The following PRDX4 variants were observed in gnomAD, a reference collection of about 807,000 sequenced individuals.
PRDX4 encodes the protein peroxiredoxin-4.
PRDX4 carries 12 observed loss-of-function variants against 20.5 expected under a neutral mutation model. The ratio of observed to expected loss-of-function variants is 0.58; its 90% confidence interval spans 0.37 to 0.95. PRDX4 has a LOEUF of 0.95. Among genes scored for constraint, PRDX4 ranks in the 40% least tolerant of loss-of-function variants. PRDX4 has a pLI of 0.01. For missense variants in PRDX4, 180 were observed against 207.3 expected, an observed-to-expected ratio of 0.87 and a Z score of 0.81; for synonymous variants, 99 against 87.5, an observed-to-expected ratio of 1.13 and a Z score of -0.73.
At chrX:23,682,022 C>G (rs1298104388) in intron 4 of PRDX4, among the ~76,000 whole-genome samples, 3 of 112,363 alleles carry the variant, frequency 2.7e-5, no homozygotes, top group Admixed American at 1.9e-4. Flanking sequence ...GCCTGGGCAA[C>G]AGAGTGAGAT....
intron 6 of PRDX4, among the ~76,000 whole-genome samples, chrX:23,684,259 TC>T (rs1366154635): frequency 9.2e-6 from 1 of 108,375 alleles, no homozygotes; most frequent in Non-Finnish European, 1.9e-5. Context: ...AATACACCGT[TC>T]GAAAAAAAAA....
At chrX:23,675,640 GT>G (rs1477997874) in intron 3 of PRDX4, among the ~76,000 whole-genome samples, 3 of 112,095 alleles carry the variant, frequency 2.7e-5, no homozygotes, top group Admixed American at 9.5e-5. Context: ...TCCCTGTCTG[GT>G]TGGCCAAGAT....
intron 1 of PRDX4, 61 bp from the exon 2 acceptor site, chrX:23,671,468 C>A: frequency 1.1e-6 from 1 of 896,489 alleles, no homozygotes; most frequent in Non-Finnish European, 1.6e-6. Context: ...CTAAAGATGT[C>A]CTTCTACCAT....
At chrX:23,672,405 G>C (rs1322154534) in intron 2 of PRDX4, among the ~76,000 whole-genome samples, 1 of 112,142 alleles carries the variant, frequency 8.9e-6, no homozygotes, top group Non-Finnish European at 1.9e-5. Context: ...AAGGAATAAG[G>C]AATAACACCT....
At chrX:23,673,396 C>T (rs1441355615) in intron 2 of PRDX4, among the ~76,000 whole-genome samples, 1 of 112,418 alleles carries the variant, frequency 8.9e-6, no homozygotes, top group Non-Finnish European at 1.9e-5. Context: ...CCTGCCAAAA[C>T]TTTTTCTGTC....
chrX:23,685,941 TG>T (rs1280015855), intron 6 of PRDX4: 2 of 262,620 alleles, frequency 7.6e-6, no homozygotes, highest in Non-Finnish European at 7.4e-6. Flanking sequence ...TTTAGCAGCA[TG>T]ATTTTAAAAG....
At chrX:23,683,511 G>A (rs1002514994) in intron 5 of PRDX4, among the ~76,000 whole-genome samples, 160 bp from the exon 6 acceptor site, 7 of 111,287 alleles carry the variant, frequency 6.3e-5, no homozygotes, top group Non-Finnish European at 1.1e-4. Context: ...AAATTCCTTG[G>A]TGTCAACAGG....
In PRDX4 at chrX:23,667,805, G is replaced by C; in HGVS notation, c.235G>C (p.Ala79Pro). The change falls in exon 1 of 7, where the codon GCG becomes CCG. Residue 79 changes from alanine (A) to proline (P), a missense_variant. Ala to Pro is a conservative substitution (Grantham distance 27). Transcript: ENST00000379341. ...CGACCACTCCCTGCACCTAAGCAAA[G>C]CGAAGAGTAGGTGGTGTCCCGCCAA... ...VADHSLHLSKAKISKPAPYWE... is the reference protein window; with the variant it reads ...VADHSLHLSKPKISKPAPYWE... 8.3e-7 allele frequency: 1 copy of C among 1,211,259 alleles called. No homozygotes were observed. The highest frequency in any genetic ancestry group is 1.1e-6 in the Non-Finnish European group (1 of 895,233).
intron 1 of PRDX4, 77 bp downstream of exon 1, chrX:23,667,888 G>A (rs776785703): frequency 8.8e-5 from 103 of 1,165,574 alleles, no homozygotes; most frequent in Non-Finnish European, 1.1e-4. Flanking sequence ...CCGGAATCTG[G>A]GCTTGGGCGG....
At chrX:23,683,918 G>T (rs1353630454) in intron 6 of PRDX4, among the ~76,000 whole-genome samples, 3 of 107,020 alleles carry the variant, frequency 2.8e-5, no homozygotes, top group Non-Finnish European at 5.8e-5. Flanking sequence ...CATGGTGGTG[G>T]GTGCCTGTAG....
At chrX:23,670,050 C>G in intron 1 of PRDX4, among the ~76,000 whole-genome samples, 1 of 111,526 alleles carries the variant, frequency 9.0e-6, no homozygotes, top group Non-Finnish European at 1.9e-5. Context: ...TCTGCATTTA[C>G]CAGAATCTTT....
At chrX:23,683,766 C>T (rs1017768202) in intron 6 of PRDX4, 61 bp downstream of exon 6, 77 of 1,037,898 alleles carry the variant, frequency 7.4e-5, no homozygotes, top group Non-Finnish European at 1.0e-4. Flanking sequence ...AAATGCTGGC[C>T]GGGCGCAGTG....
chrX:23,679,809 C>T (rs1159826820), intron 4 of PRDX4, among the ~76,000 whole-genome samples: 1 of 109,153 alleles, frequency 9.2e-6, no homozygotes, highest in Non-Finnish European at 1.9e-5. Flanking sequence ...GGTGAAACCC[C>T]ATCTTTACTA....
At chrX:23,676,981 T>A (rs933167692) in intron 3 of PRDX4, among the ~76,000 whole-genome samples, 7 of 110,769 alleles carry the variant, frequency 6.3e-5, no homozygotes, top group Admixed American at 3.9e-4. Flanking sequence ...ACTGCAAGCT[T>A]GCACCACCAT....
chrX:23,670,270 C>A (rs1927819149), intron 1 of PRDX4, among the ~76,000 whole-genome samples: 1 of 111,416 alleles, frequency 9.0e-6, no homozygotes, highest in Non-Finnish European at 1.9e-5. Flanking sequence ...TGTAATAGAT[C>A]ATTACAATTA....
intron 4 of PRDX4, among the ~76,000 whole-genome samples, chrX:23,679,559 G>T (rs1475802792): frequency 9.1e-6 from 1 of 109,916 alleles, no homozygotes; most frequent in African/African-American, 3.3e-5. Flanking sequence ...GGTGGCGTAT[G>T]CCTGTAGTCC....
At chrX:23,680,768 A>T (rs1023802851) in intron 4 of PRDX4, among the ~76,000 whole-genome samples, 53 of 109,566 alleles carry the variant, frequency 4.8e-4, no homozygotes, top group African/African-American at 1.7e-3. Flanking sequence ...AAATTAGGCC[A>T]TTGTGGTGGC....
Position 23,686,385 on chromosome X carries a change from G to T in PRDX4, c.*50G>T, listed in dbSNP as rs757198824. The T allele has an allele frequency of 1.3e-5, 13 of 963,359 alleles. No homozygotes were observed. In the East Asian group the frequency reaches 4.1e-4, roughly 31 times the overall value. The allele number at this position is 963,359 out of a possible 1,213,427, so 79.4% of individuals were successfully genotyped here. A position where few individuals can be genotyped will look rare whatever the true frequency, so the allele number is the denominator to read the frequency against. On this transcript the variant is annotated 3_prime_UTR_variant, in exon 7 of 7. Transcript: ENST00000379341. ...CTTGAAAGTTCTCAATAAAGTTCACGGTTTCATTACCACATTGTGTTGCAG... is the reference window on the plus strand; with the variant it reads ...CTTGAAAGTTCTCAATAAAGTTCACTGTTTCATTACCACATTGTGTTGCAG...
At chrX:23,669,796 A>G (rs1927810173) in intron 1 of PRDX4, among the ~76,000 whole-genome samples, 1 of 110,355 alleles carries the variant, frequency 9.1e-6, no homozygotes, top group East Asian at 2.8e-4. Context: ...GCATACCTGT[A>G]ATCCCAGCTA....
Sources: allele counts gnomAD v4.1 joint callset (sites outside exome capture counted in the v4.1 genomes callset), GRCh38; gene constraint gnomAD v4.1.1; transcripts MANE v1.5; gene names NCBI Gene and HGNC (gene_info 2026-07-23, HGNC 2026-07-21).